MAN1A2: variants seen among roughly 807,000 people sequenced by gnomAD.
MAN1A2 encodes mannosidase alpha class 1A member 2.
Under a neutral mutation model 75.7 loss-of-function variants are expected in MAN1A2, and 26 were observed. The observed-to-expected ratio is 0.34, with a 90% confidence interval of 0.25 to 0.48. The LOEUF (loss-of-function observed/expected upper bound fraction) is 0.48. Ranked by LOEUF, MAN1A2 falls within the 20% of genes least tolerant of loss-of-function variation. The pLI is 0.99. For missense variants in MAN1A2, 562 were observed against 775.5 expected (o/e 0.72, Z 3.27); for synonymous variants, 247 against 264.6 (o/e 0.93, Z 0.65).
At chr1:117,410,739 AAT>A (rs1647785418) in intron 3 of MAN1A2, among the ~76,000 whole-genome samples, 3 of 150,282 alleles carry the variant, frequency 2.0e-5, no homozygotes, top group Non-Finnish European at 4.5e-5. Context: ...AAGGTGCTAG[AAT>A]AAACAAATTT....
intron 8 of MAN1A2, 74 bp from the exon 9 acceptor site, chr1:117,493,073 T>C (rs951962077): frequency 3.8e-6 from 3 of 794,844 alleles, no homozygotes; most frequent in Non-Finnish European, 4.3e-6. Context: ...GTCATTATAA[T>C]TGAAAATGTT....
intron 8 of MAN1A2, among the ~76,000 whole-genome samples, chr1:117,476,641 C>T (rs1384886557): frequency 6.6e-6 from 1 of 151,942 alleles, no homozygotes; most frequent in African/African-American, 2.4e-5. Flanking sequence ...TTGTTTTTGT[C>T]AGGTTTGTCA....
intron 8 of MAN1A2, among the ~76,000 whole-genome samples, chr1:117,480,146 G>A (rs1650449394): frequency 6.6e-6 from 1 of 151,862 alleles, no homozygotes. Flanking sequence ...GTGCTGCTCA[G>A]TACTCTGCTT....
chr1:117,516,779 G>T (rs575306554), intron 12 of MAN1A2, among the ~76,000 whole-genome samples: 10 of 152,232 alleles, frequency 6.6e-5, no homozygotes, highest in Non-Finnish European at 1.0e-4. Context: ...TGCTCCCTGA[G>T]GAGATGAAGC....
At chr1:117,423,024 A>C (rs1316279282) in intron 5 of MAN1A2, among the ~76,000 whole-genome samples, 1 of 152,170 alleles carries the variant, frequency 6.6e-6, no homozygotes, top group Non-Finnish European at 1.5e-5. Context: ...TTTTCTTCCA[A>C]AACTATTATA....
chr1:117,416,778 C>T (rs1648006845), intron 4 of MAN1A2, among the ~76,000 whole-genome samples: 1 of 152,124 alleles, frequency 6.6e-6, no homozygotes, highest in African/African-American at 2.4e-5. Flanking sequence ...CTCTATGGAA[C>T]TGGTACCTGT....
At chr1:117,516,240 C>T (rs188137390) in intron 12 of MAN1A2, among the ~76,000 whole-genome samples, 115 of 152,026 alleles carry the variant, frequency 7.6e-4, no homozygotes, top group Non-Finnish European at 1.3e-3. Flanking sequence ...GAAACTAGAA[C>T]CCCAAAGGAA....
intron 6 of MAN1A2, among the ~76,000 whole-genome samples, chr1:117,447,475 C>T (rs1393121842): frequency 6.6e-6 from 1 of 151,966 alleles, no homozygotes; most frequent in African/African-American, 2.4e-5. Flanking sequence ...GTTGGTATGA[C>T]TTTAGTAGAA....
intron 6 of MAN1A2, among the ~76,000 whole-genome samples, chr1:117,454,203 C>T (rs1198986411): frequency 2.0e-5 from 3 of 152,050 alleles, no homozygotes; most frequent in South Asian, 2.1e-4. Flanking sequence ...TGTAACCAGG[C>T]CCATAATATC....
chr1:117,416,459 T>C (rs975286983), intron 4 of MAN1A2, among the ~76,000 whole-genome samples: 5 of 152,176 alleles, frequency 3.3e-5, no homozygotes, highest in Non-Finnish European at 5.9e-5. Flanking sequence ...CAGATTAATT[T>C]GGGGAGAATT....
chr1:117,389,640 A>AT (rs372013820), intron 1 of MAN1A2, among the ~76,000 whole-genome samples: 1 of 151,480 alleles, frequency 6.6e-6, no homozygotes, highest in Middle Eastern at 3.4e-3. Flanking sequence ...GATTTTTAGT[A>AT]TTTTTTTCAT....
intron 5 of MAN1A2, among the ~76,000 whole-genome samples, chr1:117,422,079 C>T (rs529915592): frequency 3.3e-5 from 5 of 152,144 alleles, no homozygotes; most frequent in Admixed American, 1.3e-4. Context: ...GTATTATTTA[C>T]GTACAGTAAA....
Position 117,502,887 on chromosome 1 carries a change from G to A in MAN1A2, c.1710G>A (p.Gly570=). The change falls in exon 12 of 13, where the codon GGG becomes GGA. Residue 570 remains glycine, a synonymous_variant. Coordinates refer to ENST00000356554, the MANE Select transcript of MAN1A2 (RefSeq NM_006699.5). ...AIEKYCRVNG[G]FSGVKDVYSS... ...AAAAGTATTGCCGAGTTAATGGTGGGTTTTCTGGAGTCAAAGATGTATATT... is the reference window on the plus strand; with the variant it reads ...AAAAGTATTGCCGAGTTAATGGTGGATTTTCTGGAGTCAAAGATGTATATT... The A allele has an allele frequency of 6.2e-7, 1 of 1,606,714 alleles. No individual in the cohort carries two copies.
rs572163088 is a variant in MAN1A2, at chr1:117,419,769, G to T, written c.775-800G>T. Among the ~76,000 whole-genome samples, 11 of 151,852 alleles carry T rather than the reference G, an allele frequency of 7.2e-5. No homozygotes were observed. The South Asian group carries it at 1.7e-3, about 23-fold the overall frequency. Reference sequence around the variant, plus strand: ...AAACATAGAGACTCTATTTAGTAAGGTTATTAATATTACTATATTTGTGCT... The same window carrying T: ...AAACATAGAGACTCTATTTAGTAAGTTTATTAATATTACTATATTTGTGCT... On this transcript the variant is annotated intron_variant, in intron 4 of 12. Coordinates refer to ENST00000356554, the MANE Select transcript of MAN1A2 (RefSeq NM_006699.5).
At chr1:117,429,765 C>G in intron 5 of MAN1A2, among the ~76,000 whole-genome samples, 1 of 115,310 alleles carries the variant, frequency 8.7e-6, no homozygotes. Flanking sequence ...GGGGCTGACC[C>G]CCCCACCTCC....
intron 6 of MAN1A2, among the ~76,000 whole-genome samples, chr1:117,451,118 A>T (rs534148112): frequency 1.3e-5 from 2 of 152,358 alleles, no homozygotes; most frequent in East Asian, 3.9e-4. Flanking sequence ...CTGCAAAGCC[A>T]TAGGGGCAGA....
chr1:117,459,328 A>C (rs1203504297), intron 6 of MAN1A2, among the ~76,000 whole-genome samples: 7 of 152,176 alleles, frequency 4.6e-5, no homozygotes, highest in Admixed American at 4.6e-4. Flanking sequence ...ATATGGGGCA[A>C]GCAAGACTCA....
chr1:117,392,172 T>A (rs983313464), intron 1 of MAN1A2, among the ~76,000 whole-genome samples: 2 of 152,146 alleles, frequency 1.3e-5, no homozygotes, highest in African/African-American at 4.8e-5. Context: ...AGTTCTTTAG[T>A]GCCTTGCATT....
intron 7 of MAN1A2, among the ~76,000 whole-genome samples, chr1:117,465,674 A>G (rs1489250048): frequency 6.6e-6 from 1 of 152,108 alleles, no homozygotes; most frequent in African/African-American, 2.4e-5. Context: ...TCCCACCTCC[A>G]GGGGCCCCCT....
Sources: gnomAD v4.1 joint callset for allele counts (sites outside exome capture counted in the v4.1 genomes callset) on GRCh38, gnomAD v4.1.1 for gene constraint, MANE v1.5 for transcripts, NCBI Gene and HGNC (gene_info 2026-07-23, HGNC 2026-07-21) for gene names.